TMEM38B: variants seen among roughly 807,000 people sequenced by gnomAD.
TMEM38B encodes transmembrane protein 38B.
In TMEM38B, 24 loss-of-function variants were observed where a neutral mutation model predicts 28.7. The ratio of observed to expected loss-of-function variants is 0.84; its 90% confidence interval spans 0.61 to 1.18. The LOEUF (loss-of-function observed/expected upper bound fraction) is 1.18. Ranked by LOEUF, TMEM38B falls within the 50% of genes most tolerant of loss-of-function variation. The probability of loss-of-function intolerance (pLI) is 0.00; values close to 1 mark genes in which losing one functional copy is unlikely to be tolerated. For synonymous variants in TMEM38B, 131 were observed against 127.7 expected (o/e 1.03, Z -0.17); for missense variants, 380 against 350.9 (o/e 1.08, Z -0.66).
At chr9:105,761,499 G>T (rs1838047517) in intron 5 of TMEM38B, among the ~76,000 whole-genome samples, 1 of 152,142 alleles carries the variant, frequency 6.6e-6, no homozygotes, top group Non-Finnish European at 1.5e-5. Flanking sequence ...CATTGTTCCA[G>T]ATATGCGGAG....
chr9:105,722,360 T>C (rs1488829517), intron 3 of TMEM38B, among the ~76,000 whole-genome samples, 174 bp from the exon 4 acceptor site: 1 of 152,212 alleles, frequency 6.6e-6, no homozygotes, highest in African/African-American at 2.4e-5. Flanking sequence ...AAGGGAAGAA[T>C]TGCAGTTGTT....
At chr9:105,737,105 G>A (rs949766650) in intron 4 of TMEM38B, among the ~76,000 whole-genome samples, 6 of 152,196 alleles carry the variant, frequency 3.9e-5, no homozygotes, top group African/African-American at 9.7e-5. Context: ...TGGATTGGCC[G>A]TGGGGCCAAT....
chr9:105,717,550 A>C (rs186520768), intron 2 of TMEM38B, among the ~76,000 whole-genome samples: 215 of 152,332 alleles, frequency 1.4e-3, no homozygotes, highest in African/African-American at 4.8e-3. Flanking sequence ...ACCACACACA[A>C]TAAGAATAAA....
At chr9:105,709,109 G>T (rs1407979167) in intron 2 of TMEM38B, among the ~76,000 whole-genome samples, 1 of 151,434 alleles carries the variant, frequency 6.6e-6, no homozygotes, top group Non-Finnish European at 1.5e-5. Context: ...CTCAATTACA[G>T]AACATACTAC....
intron 1 of TMEM38B, chr9:105,701,097 G>C (rs562181191): frequency 6.6e-6 from 1 of 151,982 alleles, no homozygotes; most frequent in African/African-American, 2.4e-5. Flanking sequence ...CTGCTTTCTG[G>C]AACTGAACTC....
At chr9:105,694,902 G>A (rs547118772) in intron 1 of TMEM38B, 130 bp downstream of exon 1, 23 of 746,016 alleles carry the variant, frequency 3.1e-5, no homozygotes, top group South Asian at 2.1e-4. Context: ...CGATGGTAGA[G>A]TTGGAGGGGC....
At chr9:105,747,445 C>T (rs1228866173) in intron 4 of TMEM38B, among the ~76,000 whole-genome samples, 7 of 151,768 alleles carry the variant, frequency 4.6e-5, no homozygotes, top group African/African-American at 9.7e-5. Context: ...TTTTTTATTG[C>T]GTCTATTTGA....
rs1218849119 is a variant in TMEM38B at position 105,775,583 on chromosome 9, A to G, written c.*1503A>G. 3 of 152,072 alleles carry G rather than the reference A, an allele frequency of 2.0e-5. No homozygotes were observed. Among genetic ancestry groups the G allele is most frequent in the African/African-American group, 7.2e-5 (3 of 41,450 alleles). 9.4% of individuals were successfully genotyped at this position (152,072 alleles called of 1,614,324 possible). ...AAAAAATTGGGAGGGGGCACTTTTC[A>G]TAGTCTTGGAATGCTAAGAAGTTTT... On this transcript the variant is annotated 3_prime_UTR_variant, in exon 6 of 6. Transcript: ENST00000374692.
At chr9:105,718,052 C>T (rs12345343) in intron 2 of TMEM38B, among the ~76,000 whole-genome samples, 31,781 of 151,964 alleles carry the variant, frequency 0.21, 5,204 homozygotes, top group East Asian at 0.46. Context: ...TCCAACCTGG[C>T]GCAGCTAGTC....
At chr9:105,748,355 T>C (rs1357756434) in intron 5 of TMEM38B, among the ~76,000 whole-genome samples, 165 bp downstream of exon 5, 1 of 152,158 alleles carries the variant, frequency 6.6e-6, no homozygotes, top group African/African-American at 2.4e-5. Context: ...TTCTGAAACT[T>C]AGCTTTTCTG....
At chr9:105,709,270 G>A (rs1472899242) in intron 2 of TMEM38B, among the ~76,000 whole-genome samples, 1 of 152,024 alleles carries the variant, frequency 6.6e-6, no homozygotes, top group East Asian at 1.9e-4. Flanking sequence ...TATAACTCCA[G>A]TATATTACAG....
chr9:105,750,995 G>A (rs977526307), intron 5 of TMEM38B, among the ~76,000 whole-genome samples: 7 of 152,144 alleles, frequency 4.6e-5, no homozygotes, highest in African/African-American at 4.8e-5. Flanking sequence ...CCATCCATAT[G>A]TGTGCCTGTC....
intron 1 of TMEM38B, among the ~76,000 whole-genome samples, chr9:105,695,063 A>G (rs1564380839): frequency 6.6e-6 from 1 of 151,804 alleles, no homozygotes; most frequent in Non-Finnish European, 1.5e-5. Flanking sequence ...AACCGCCCGC[A>G]GAAGTCCCAG....
At chr9:105,708,564 G>A (rs555642954) in intron 2 of TMEM38B, among the ~76,000 whole-genome samples, 45 of 152,180 alleles carry the variant, frequency 3.0e-4, no homozygotes, top group African/African-American at 9.6e-4. Flanking sequence ...CAAAATACTC[G>A]CTTTCACTTT....
chr9:105,740,666 C>G (rs1438951217), intron 4 of TMEM38B, among the ~76,000 whole-genome samples: 1 of 152,088 alleles, frequency 6.6e-6, no homozygotes, highest in Non-Finnish European at 1.5e-5. Flanking sequence ...CTAGTCCTGC[C>G]AAAAACGAAG....
chr9:105,733,039 C>T (rs892997910), intron 4 of TMEM38B, among the ~76,000 whole-genome samples: 20 of 151,974 alleles, frequency 1.3e-4, no homozygotes, highest in Non-Finnish European at 1.8e-4. Context: ...TGTAGTTGTG[C>T]GGTTTTGAGT....
chr9:105,709,158 A>G (rs1835797409), intron 2 of TMEM38B, among the ~76,000 whole-genome samples: 1 of 152,134 alleles, frequency 6.6e-6, no homozygotes, highest in African/African-American at 2.4e-5. Flanking sequence ...AAAATAATCT[A>G]ATTATAGCAC....
At chr9:105,741,192 A>G (rs560603726) in intron 4 of TMEM38B, among the ~76,000 whole-genome samples, 1 of 152,216 alleles carries the variant, frequency 6.6e-6, no homozygotes, top group Non-Finnish European at 1.5e-5. Context: ...ACTGACGCTG[A>G]TTTTGACTGA....
chr9:105,742,639 A>G (rs893854445), intron 4 of TMEM38B, among the ~76,000 whole-genome samples: 3 of 152,174 alleles, frequency 2.0e-5, no homozygotes, highest in Non-Finnish European at 2.9e-5. Context: ...CCCTTCTCCA[A>G]TGCCTTGCCC....
Sources: gnomAD v4.1 joint callset for allele counts (sites outside exome capture counted in the v4.1 genomes callset) on GRCh38, gnomAD v4.1.1 for gene constraint, MANE v1.5 for transcripts, NCBI Gene and HGNC (gene_info 2026-07-23, HGNC 2026-07-21) for gene names.